Variants in TEKT1 observed in about 807,000 individuals in gnomAD.
TEKT1 encodes the protein tektin-1.
Under a neutral mutation model 34.8 loss-of-function variants are expected in TEKT1, and 32 were observed. That is an observed-to-expected ratio of 0.92 (90% CI 0.69 to 1.23). TEKT1 has a LOEUF of 1.23. Among genes scored for constraint, TEKT1 ranks in the 50% most tolerant of loss-of-function variants. TEKT1 has a pLI of 0.00. For missense variants in TEKT1, 492 were observed against 518.5 expected, an observed-to-expected ratio of 0.95 and a Z score of 0.50; for synonymous variants, 207 against 199.8, an observed-to-expected ratio of 1.04 and a Z score of -0.30.
chr17:6,813,551 GACACACACACACACACACAC>G (rs34316443), intron 5 of TEKT1, among the ~76,000 whole-genome samples: 3 of 135,086 alleles, frequency 2.2e-5, no homozygotes, highest in Non-Finnish European at 4.7e-5. Context: ...GAAGAAACCA[GACACACACACACACACACAC>G]ACACACACAC....
chr17:6,831,285 C>T (rs371157337), intron 1 of TEKT1, among the ~76,000 whole-genome samples: 4 of 152,170 alleles, frequency 2.6e-5, no homozygotes, highest in Non-Finnish European at 5.9e-5. Flanking sequence ...AATCTGCCCC[C>T]ACTCCCATCT....
At chr17:6,801,662 C>T (rs902347810) in intron 6 of TEKT1, among the ~76,000 whole-genome samples, 2 of 151,970 alleles carry the variant, frequency 1.3e-5, no homozygotes, top group Non-Finnish European at 1.5e-5. Context: ...GAGCCAAGAT[C>T]GTGCCACTGC....
At chr17:6,817,675 G>T (rs1215151396) in intron 3 of TEKT1, among the ~76,000 whole-genome samples, 1 of 152,142 alleles carries the variant, frequency 6.6e-6, no homozygotes, top group East Asian at 1.9e-4. Context: ...CAACCTGCAT[G>T]ATAGTGCTTG....
At position 6,831,268 on chromosome 17, in the gene TEKT1, G is replaced by A. The variant is rs567506888; in HGVS notation, c.-18+381C>T. ...CCATGAGAACTGCCTTCCTCAGACA[G>A]GGCTGAAATCTGCCCCCACTCCCAT... On this transcript the variant is annotated intron_variant, in intron 1 of 7. Transcript: ENST00000338694. 2.6e-5 allele frequency among the ~76,000 whole-genome samples: 4 copies of A among 152,242 alleles called. No individual in the cohort carries two copies. The East Asian group carries it at 5.8e-4, about 22-fold the overall frequency.
chr17:6,812,636 G>A (rs957599234), intron 6 of TEKT1, among the ~76,000 whole-genome samples, 195 bp downstream of exon 6: 1 of 152,198 alleles, frequency 6.6e-6, no homozygotes, highest in Admixed American at 6.5e-5. Context: ...CCCAGAGTGG[G>A]GCAAAGTCCC....
At chr17:6,801,662 C>G (rs902347810) in intron 6 of TEKT1, among the ~76,000 whole-genome samples, 1 of 151,970 alleles carries the variant, frequency 6.6e-6, no homozygotes, top group South Asian at 2.1e-4. Flanking sequence ...GAGCCAAGAT[C>G]GTGCCACTGC....
chr17:6,823,970 C>A (rs543333389), intron 2 of TEKT1, among the ~76,000 whole-genome samples: 2 of 151,956 alleles, frequency 1.3e-5, no homozygotes, highest in Non-Finnish European at 2.9e-5. Context: ...CTACAGGTGC[C>A]CACCACCATG....
intron 6 of TEKT1, among the ~76,000 whole-genome samples, chr17:6,803,806 T>A (rs1293853011): frequency 6.6e-6 from 1 of 152,190 alleles, no homozygotes; most frequent in Non-Finnish European, 1.5e-5. Context: ...TCTGTTCTGT[T>A]CCATTGGTCT....
chr17:6,815,101 G>A, intron 5 of TEKT1, 62 bp downstream of exon 5: 1 of 1,559,844 alleles, frequency 6.4e-7, no homozygotes, highest in Non-Finnish European at 8.7e-7. Context: ...GAGCCGCTAG[G>A]TCTTGCCTAT....
At chr17:6,825,958 C>A (rs188225224) in intron 2 of TEKT1, among the ~76,000 whole-genome samples, 22 of 152,148 alleles carry the variant, frequency 1.4e-4, no homozygotes, top group Admixed American at 1.3e-3. Context: ...TATGATAAAA[C>A]TCTAAAGGTA....
At chr17:6,830,484 A>C (rs1400808567) in intron 1 of TEKT1, 91 bp from the exon 2 acceptor site, 21 of 887,472 alleles carry the variant, frequency 2.4e-5, no homozygotes, top group Non-Finnish European at 3.5e-5. Flanking sequence ...TATACGGAAA[A>C]TTGCATAAAT....
At chr17:6,824,706 C>A (rs1018693902) in intron 2 of TEKT1, among the ~76,000 whole-genome samples, 1 of 152,102 alleles carries the variant, frequency 6.6e-6, no homozygotes, top group African/African-American at 2.4e-5. Context: ...ATTTTATACT[C>A]CTAAGCATCT....
chr17:6,819,098 T>C (rs1363834763), intron 3 of TEKT1, 95 bp downstream of exon 3: 2 of 1,429,626 alleles, frequency 1.4e-6, no homozygotes, highest in East Asian at 4.6e-5. Flanking sequence ...GCTCAAGTGC[T>C]GTGTTCTAAC....
At position 6,799,323 on chromosome 17, in the gene TEKT1, G is replaced by A. The variant is rs1567675418; in HGVS notation, c.*704C>T. ...GAAGGAAAAAAATAATCCTGAAATT[G>A]AGTTTATGCCATGAGTACAATTGTG... On this transcript the variant is annotated 3_prime_UTR_variant, in exon 8 of 8. Coordinates refer to ENST00000338694, the MANE Select transcript of TEKT1 (RefSeq NM_053285.2). The A allele has an allele frequency of 6.6e-6, 1 of 152,174 alleles. No individual in the cohort carries two copies. Among genetic ancestry groups the A allele is most frequent in the Non-Finnish European group, 1.5e-5 (1 of 68,038 alleles). 9.4% of individuals were successfully genotyped at this position (152,174 alleles called of 1,614,324 possible).
At chr17:6,817,903 TAGACTTG>T (rs1448766842) in intron 3 of TEKT1, among the ~76,000 whole-genome samples, 2 of 152,220 alleles carry the variant, frequency 1.3e-5, no homozygotes, top group African/African-American at 4.8e-5. Flanking sequence ...TCCTCAGGCT[TAGACTTG>T]AGCCAACTGG....
intron 2 of TEKT1, among the ~76,000 whole-genome samples, chr17:6,829,979 A>T (rs1904524566): frequency 6.6e-6 from 1 of 152,216 alleles, no homozygotes; most frequent in South Asian, 2.1e-4. Context: ...AAATCAACAA[A>T]TAAATGAATG....
At chr17:6,817,720 C>G (rs1977025690) in intron 3 of TEKT1, among the ~76,000 whole-genome samples, 1 of 152,202 alleles carries the variant, frequency 6.6e-6, no homozygotes, top group African/African-American at 2.4e-5. Context: ...GCTGGGTGCC[C>G]TTAGCCACTA....
At chr17:6,818,079 T>C (rs1243781450) in intron 3 of TEKT1, among the ~76,000 whole-genome samples, 3 of 152,182 alleles carry the variant, frequency 2.0e-5, no homozygotes, top group Non-Finnish European at 2.9e-5. Context: ...TTTGAGAAAC[T>C]GCAAGTAGCT....
At position 6,812,827 on chromosome 17, in the gene TEKT1, T is replaced by C. The variant is rs367725739; in HGVS notation, c.852+4A>G. 9 of 1,612,950 alleles carry C rather than the reference T, an allele frequency of 5.6e-6. No homozygotes were observed. Among genetic ancestry groups the C allele is most frequent in the Middle Eastern group, 3.4e-4 (2 of 5,860 alleles). On this transcript the variant is annotated splice_donor_region_variant and intron_variant, in intron 6 of 7. Coordinates refer to ENST00000338694, the MANE Select transcript of TEKT1 (RefSeq NM_053285.2). The stretch of plus-strand genomic sequence containing the variant: ...TTCTTCCATGCTCCCTCAAGGGACC[T>C]CACCTTGGCCAGATGATCAGCCAGC...
Sources: gnomAD v4.1 joint callset for allele counts (sites outside exome capture counted in the v4.1 genomes callset) on GRCh38, gnomAD v4.1.1 for gene constraint, MANE v1.5 for transcripts, NCBI Gene and HGNC (gene_info 2026-07-23, HGNC 2026-07-21) for gene names.